IL1RN: variants seen among roughly 807,000 people sequenced by gnomAD.
The protein encoded by IL1RN is interleukin-1 receptor antagonist protein.
IL1RN carries 10 observed loss-of-function variants against 13.7 expected under a neutral mutation model. The ratio of observed to expected loss-of-function variants is 0.73; its 90% CI spans 0.45 to 1.24. IL1RN has a LOEUF of 1.24. Among genes scored for constraint, IL1RN ranks in the 50% most tolerant of loss-of-function variants. The pLI is 0.00. For missense variants in IL1RN, 213 were observed against 222.1 expected, an observed-to-expected ratio of 0.96 and a Z score of 0.26; for synonymous variants, 102 against 82.7, an observed-to-expected ratio of 1.23 and a Z score of -1.27.
chr2:113,120,268 A>G (rs1686724868), intron 2 of IL1RN: 1 of 752,478 alleles, frequency 1.3e-6, no homozygotes, highest in African/African-American at 1.7e-5. Context: ...TTGATTACTA[A>G]TATATCTGCA....
upstream of IL1RN, among the ~76,000 whole-genome samples, chr2:113,114,061 G>C (rs1404563002): frequency 6.6e-6 from 1 of 152,176 alleles, no homozygotes; most frequent in African/African-American, 2.4e-5. Flanking sequence ...AGCTGGTTTT[G>C]GCTGTAATGG....
chr2:113,108,356 C>T (rs1475957278), upstream of IL1RN, among the ~76,000 whole-genome samples: 2 of 151,866 alleles, frequency 1.3e-5, no homozygotes, highest in Non-Finnish European at 2.9e-5. Context: ...GTGTGCTGCA[C>T]CCATTAACTC....
At chr2:113,121,432 TTCC>T (rs1225002071) in intron 2 of IL1RN, 1 of 984,484 alleles carries the variant, frequency 1.0e-6, no homozygotes, top group Non-Finnish European at 1.2e-6. Flanking sequence ...TCTTCTCCAT[TTCC>T]TCCTGTCTGC....
upstream of IL1RN, among the ~76,000 whole-genome samples, chr2:113,102,820 A>G (rs1223173920): frequency 6.6e-6 from 1 of 152,184 alleles, no homozygotes; most frequent in African/African-American, 2.4e-5. Context: ...ATAAATCACA[A>G]TGGTGGAATG....
chr2:113,120,964 T>C (rs896808280), intron 2 of IL1RN, among the ~76,000 whole-genome samples: 1 of 151,486 alleles, frequency 6.6e-6, no homozygotes, highest in African/African-American at 2.4e-5. Context: ...GAGTAGTTTC[T>C]TCTTCTTCTT....
At chr2:113,099,728 C>CTTTTTTTTTTT in the IL1RN span, among the ~76,000 whole-genome samples, 6 of 41,472 alleles carry the variant, frequency 1.4e-4, no homozygotes, top group African/African-American at 2.5e-4. Flanking sequence ...TCTTTCTTTT[C>CTTTTTTTTTTT]TTTTTTTTTT....
upstream of IL1RN, among the ~76,000 whole-genome samples, chr2:113,124,178 G>A (rs1476748114): frequency 6.6e-6 from 1 of 152,120 alleles, no homozygotes; most frequent in Non-Finnish European, 1.5e-5. Flanking sequence ...AAAGCCATGG[G>A]TGCTGATTGG....
upstream of IL1RN, among the ~76,000 whole-genome samples, chr2:113,116,160 C>G (rs1232151723): frequency 6.6e-6 from 1 of 152,204 alleles, no homozygotes; most frequent in Non-Finnish European, 1.5e-5. Flanking sequence ...ATTTGAACCT[C>G]TGGCCACCAG....
chr2:113,112,266 C>A (rs315931), intron 1 of IL1RN, among the ~76,000 whole-genome samples: 91,810 of 152,100 alleles, frequency 0.6, 28,492 homozygotes, highest in Non-Finnish European at 0.69. Flanking sequence ...ACATGCAACA[C>A]TCAACAGAGA....
chr2:113,112,875 G>A (rs536883682), intron 1 of IL1RN: 1 of 152,366 alleles, frequency 6.6e-6, no homozygotes, highest in South Asian at 2.1e-4. Context: ...GTGGTTGGGA[G>A]TAAATATTCA....
chr2:113,111,240 A>G (rs538549465), intron 1 of IL1RN: 2 of 152,366 alleles, frequency 1.3e-5, no homozygotes, highest in South Asian at 4.1e-4. Context: ...ATCTGGGAAA[A>G]CTGAATCTCA....
intron 2 of IL1RN, chr2:113,129,886 T>C (rs1687102171): frequency 5.6e-6 from 3 of 539,812 alleles, no homozygotes; most frequent in Non-Finnish European, 1.0e-5. Context: ...CAGAGGTCAG[T>C]GCCTATAGGC....
chr2:113,101,371 C>T, the IL1RN span, among the ~76,000 whole-genome samples: 8 of 151,988 alleles, frequency 5.3e-5, no homozygotes, highest in Non-Finnish European at 7.4e-5. Flanking sequence ...GATGTAAAAC[C>T]GACATTCAAT....
chr2:113,101,296 A>G, the IL1RN span, among the ~76,000 whole-genome samples: 2 of 152,074 alleles, frequency 1.3e-5, no homozygotes, highest in African/African-American at 2.4e-5. Context: ...GTTTCCTTCC[A>G]CCTGTGGGAA....
chr2:113,126,511 C>G (rs931551338), upstream of IL1RN, among the ~76,000 whole-genome samples: 4 of 152,206 alleles, frequency 2.6e-5, no homozygotes, highest in African/African-American at 9.6e-5. Context: ...GTAGATCATG[C>G]AGAAATTCTC....
At chr2:113,100,748 C>T in the IL1RN span, among the ~76,000 whole-genome samples, 106 of 152,288 alleles carry the variant, frequency 7.0e-4, no homozygotes, top group African/African-American at 2.5e-3. Context: ...TCCTTCTTAG[C>T]ACAGGGTGGC....
In IL1RN at chr2:113,133,011, A is replaced by G; in HGVS notation, c.*140A>G. The G allele has an allele frequency of 1.3e-6, 1 of 769,230 alleles. No individual in the cohort carries two copies. Among genetic ancestry groups the G allele is most frequent in the East Asian group, 2.7e-5 (1 of 37,638 alleles). The allele number at this position is 769,230 out of a possible 1,614,324, so 47.7% of individuals were successfully genotyped here. A position where few individuals can be genotyped will look rare whatever the true frequency, so the allele number is the denominator to read the frequency against. On this transcript the variant is annotated 3_prime_UTR_variant, in exon 4 of 4. Coordinates refer to ENST00000409930, the MANE Select transcript of IL1RN (RefSeq NM_173842.3). Reference sequence around the variant, plus strand: ...TGGACCCTCAGAAGGCGTCACAACAACCTGGTCACAGGACTCTGCCTCCTC... The same window carrying G: ...TGGACCCTCAGAAGGCGTCACAACAGCCTGGTCACAGGACTCTGCCTCCTC...
chr2:113,122,767 T>C (rs1339901631), upstream of IL1RN, among the ~76,000 whole-genome samples: 1 of 152,182 alleles, frequency 6.6e-6, no homozygotes. Context: ...TTCAAATCAC[T>C]TTTCCTACCC....
At chr2:113,117,865 T>C, upstream of IL1RN, 1 of 752,240 alleles carries the variant, frequency 1.3e-6, no homozygotes, top group Non-Finnish European at 2.5e-6. Context: ...GGCTCCTCCT[T>C]GTACTCTCTG....
Sources: allele counts gnomAD v4.1 joint callset (sites outside exome capture counted in the v4.1 genomes callset), GRCh38; gene constraint gnomAD v4.1.1; transcripts MANE v1.5; gene names NCBI Gene and HGNC (gene_info 2026-07-23, HGNC 2026-07-21).